Variants in FANCC observed in about 807,000 individuals in gnomAD.
The protein encoded by FANCC is Fanconi anemia group C protein.
FANCC carries 55 observed loss-of-function variants against 71.3 expected under a neutral mutation model. The observed-to-expected ratio is 0.77, with a 90% CI of 0.62 to 0.97. FANCC has a LOEUF of 0.97. Among genes scored for constraint, FANCC ranks in the 50% least tolerant of loss-of-function variants. The pLI is 0.00. For synonymous variants in FANCC, 275 were observed against 244.9 expected (o/e 1.12, Z -1.15); for missense variants, 678 against 670.9 (o/e 1.01, Z -0.12).
chr9:95,124,140 C>T (rs908470521), intron 10 of FANCC, among the ~76,000 whole-genome samples: 1 of 140,202 alleles, frequency 7.1e-6, no homozygotes, highest in Non-Finnish European at 1.5e-5. Flanking sequence ...GTAGAAATAT[C>T]GGCTAAAACC....
rs79939471 is a variant in FANCC at position 95,303,848 on chromosome 9, T to C, written c.-79+13678A>G. 9.6e-3 allele frequency among the ~76,000 whole-genome samples: 1,464 copies of C among 152,288 alleles called. 24 individuals carry two copies. The highest frequency in any genetic ancestry group is 0.034 in the African/African-American group (1,393 of 41,536). ...TTCAGCCCATAACACAACCCTCTAC[T>C]CTTCCTTAATTAGCTTTCTTGTAAT... On this transcript the variant is annotated intron_variant, in intron 1 of 14. Coordinates refer to ENST00000289081, the MANE Select transcript of FANCC (RefSeq NM_000136.3).
At chr9:95,131,138 A>ATT (rs1273521164) in intron 8 of FANCC, among the ~76,000 whole-genome samples, 2 of 152,248 alleles carry the variant, frequency 1.3e-5, no homozygotes, top group Non-Finnish European at 2.9e-5. Flanking sequence ...TTGTTTAATT[A>ATT]GTGATAAATC....
At chr9:95,144,264 T>TG (rs1333483204) in intron 7 of FANCC, among the ~76,000 whole-genome samples, 4 of 152,160 alleles carry the variant, frequency 2.6e-5, no homozygotes, top group Non-Finnish European at 5.9e-5. Context: ...CGCCACTGCT[T>TG]GGGGAACTTG....
At chr9:95,283,438 G>A (rs575026727) in intron 1 of FANCC, among the ~76,000 whole-genome samples, 7 of 152,292 alleles carry the variant, frequency 4.6e-5, no homozygotes, top group South Asian at 4.1e-4. Context: ...TCAAGATGGC[G>A]CACAGGACCA....
chr9:95,300,787 G>A (rs184420158), intron 1 of FANCC, among the ~76,000 whole-genome samples: 6 of 152,220 alleles, frequency 3.9e-5, no homozygotes, highest in Admixed American at 1.3e-4. Context: ...GTGCTCCCAC[G>A]TCAGAATGAG....
chr9:95,272,575 TAATCCCAGCTACTCGG>T (rs1260122429), intron 1 of FANCC, among the ~76,000 whole-genome samples: 1 of 152,044 alleles, frequency 6.6e-6, no homozygotes, highest in Non-Finnish European at 1.5e-5. Flanking sequence ...CATATGTCTG[TAATCCCAGCTACTCGG>T]GAGGCTGTGG....
At chr9:95,243,837 C>G (rs1830776164) in intron 3 of FANCC, among the ~76,000 whole-genome samples, 1 of 152,118 alleles carries the variant, frequency 6.6e-6, no homozygotes, top group South Asian at 2.1e-4. Context: ...AGAAAAGATC[C>G]CTTCCAGGAA....
chr9:95,144,169 T>C (rs1259199028), intron 7 of FANCC, among the ~76,000 whole-genome samples: 1 of 152,194 alleles, frequency 6.6e-6, no homozygotes, highest in Non-Finnish European at 1.5e-5. Context: ...TTTGCACTGA[T>C]TGATTGGATC....
intron 1 of FANCC, among the ~76,000 whole-genome samples, chr9:95,312,970 G>T (rs1165607258): frequency 6.6e-6 from 1 of 152,214 alleles, no homozygotes; most frequent in Non-Finnish European, 1.5e-5. Context: ...GTGTTCACAG[G>T]GAGGTGTCCC....
At chr9:95,244,709 A>C (rs996413898) in intron 3 of FANCC, among the ~76,000 whole-genome samples, 2 of 139,044 alleles carry the variant, frequency 1.4e-5, no homozygotes, top group African/African-American at 2.6e-5. Context: ...AAAAAAAAAA[A>C]AAAACCCAAC....
intron 3 of FANCC, among the ~76,000 whole-genome samples, chr9:95,247,069 T>C (rs1831027808): frequency 6.6e-6 from 1 of 151,114 alleles, no homozygotes; most frequent in South Asian, 2.1e-4. Context: ...TCGGTATCAT[T>C]AGTATAGCCA....
intron 14 of FANCC, among the ~76,000 whole-genome samples, chr9:95,103,779 C>T (rs1367891052): frequency 6.6e-6 from 1 of 152,222 alleles, no homozygotes; most frequent in Non-Finnish European, 1.5e-5. Context: ...GCGCAGAGCT[C>T]ACTGCAGAGG....
At chr9:95,171,201 C>G (rs2135581023) in intron 5 of FANCC, 58 bp from the exon 6 acceptor site, 1 of 1,330,892 alleles carries the variant, frequency 7.5e-7, no homozygotes, top group Non-Finnish European at 1.1e-6. Flanking sequence ...TACATCAGTT[C>G]TATTTTTCTT....
At position 95,279,482 on chromosome 9, in the gene FANCC, G is replaced by A. The variant is rs1319965506; in HGVS notation, c.-78-30113C>T. Among the ~76,000 whole-genome samples, 3 of 150,470 alleles carry A rather than the reference G, an allele frequency of 2.0e-5. No individual in the cohort carries two copies. In the East Asian group the frequency reaches 5.9e-4, roughly 30 times the overall value. ...GTCCATGCCACTGCACTCCAGCCTGGGCAAGAGAGTGAGACCCTGTCTAAA... is the reference window on the plus strand; with the variant it reads ...GTCCATGCCACTGCACTCCAGCCTGAGCAAGAGAGTGAGACCCTGTCTAAA... On this transcript the variant is annotated intron_variant, in intron 1 of 14. Transcript: ENST00000289081.
At chr9:95,258,220 T>G (rs1831792557) in intron 1 of FANCC, among the ~76,000 whole-genome samples, 2 of 152,146 alleles carry the variant, frequency 1.3e-5, no homozygotes, top group Admixed American at 1.3e-4. Context: ...TACCAAAACC[T>G]GGCAGAGACA....
At chr9:95,154,870 T>A (rs1304608494) in intron 6 of FANCC, among the ~76,000 whole-genome samples, 2 of 151,986 alleles carry the variant, frequency 1.3e-5, no homozygotes, top group Non-Finnish European at 2.9e-5. Flanking sequence ...ATAAAACTTT[T>A]AAAAAACTAA....
intron 4 of FANCC, among the ~76,000 whole-genome samples, chr9:95,188,552 A>G (rs569288164): frequency 7.2e-5 from 11 of 152,338 alleles, no homozygotes; most frequent in African/African-American, 2.6e-4. Flanking sequence ...TCCAGTGAAA[A>G]GCAAAATATT....
At chr9:95,239,955 G>T (rs4647440) in intron 4 of FANCC, among the ~76,000 whole-genome samples, 8 of 152,238 alleles carry the variant, frequency 5.3e-5, no homozygotes, top group African/African-American at 1.7e-4. Context: ...GGTTGCTGCA[G>T]CAAGGCAGTG....
chr9:95,221,932 G>T (rs575007182), intron 4 of FANCC, among the ~76,000 whole-genome samples: 2 of 152,196 alleles, frequency 1.3e-5, no homozygotes, highest in Non-Finnish European at 2.9e-5. Flanking sequence ...CCATTTGGCA[G>T]TTTCTTATAA....
Sources: allele counts gnomAD v4.1 joint callset (sites outside exome capture counted in the v4.1 genomes callset), GRCh38; gene constraint gnomAD v4.1.1; transcripts MANE v1.5; gene names NCBI Gene and HGNC (gene_info 2026-07-23, HGNC 2026-07-21).